Variants in ARSG observed in about 807,000 individuals in gnomAD.
ARSG encodes arylsulfatase G, also known as ASG.
In ARSG, 37 loss-of-function variants were observed where a neutral mutation model predicts 50.5. That is an observed-to-expected ratio of 0.73 (90% confidence interval 0.56 to 0.96). ARSG has a LOEUF of 0.96. Among genes scored for constraint, ARSG ranks in the 50% least tolerant of loss-of-function variants. The pLI is 0.00. For synonymous variants in ARSG, 225 were observed against 254.6 expected, an observed-to-expected ratio of 0.88 and a Z score of 1.11; for missense variants, 629 against 675.3, an observed-to-expected ratio of 0.93 and a Z score of 0.76.
At chr17:68,363,398 C>T (rs577681576) in intron 6 of ARSG, among the ~76,000 whole-genome samples, 4 of 152,098 alleles carry the variant, frequency 2.6e-5, no homozygotes, top group Non-Finnish European at 5.9e-5. Context: ...GGGAAAGCTG[C>T]AAAGACTGGG....
downstream of ARSG, chr17:68,427,231 CTGT>C (rs566594528): frequency 5.6e-5 from 91 of 1,614,122 alleles, no homozygotes; most frequent in African/African-American, 8.0e-4. Flanking sequence ...TTATTCTCTT[CTGT>C]TGTTCCTGAG....
At chr17:68,353,554 G>A (rs917700630) in intron 5 of ARSG, among the ~76,000 whole-genome samples, 6 of 152,118 alleles carry the variant, frequency 3.9e-5, no homozygotes, top group African/African-American at 1.4e-4. Context: ...CAGGGATTCT[G>A]CACATTATGG....
chr17:68,301,923 C>T (rs1023489029), intron 1 of ARSG, among the ~76,000 whole-genome samples: 1 of 152,022 alleles, frequency 6.6e-6, no homozygotes. Flanking sequence ...TGTCCCAGAC[C>T]ACCCCCTTTA....
downstream of ARSG, chr17:68,426,252 G>GGT (rs1294668249): frequency 1.2e-6 from 1 of 828,178 alleles, no homozygotes; most frequent in Non-Finnish European, 1.9e-6. Flanking sequence ...TGGGGAGCGG[G>GGT]GGCTCAAATA....
chr17:68,393,178 G>A (rs550122423), intron 9 of ARSG, among the ~76,000 whole-genome samples: 2 of 152,242 alleles, frequency 1.3e-5, no homozygotes, highest in Non-Finnish European at 2.9e-5. Context: ...CTTTATCCAC[G>A]GTTTCACTTT....
intron 2 of ARSG, among the ~76,000 whole-genome samples, chr17:68,323,299 A>C (rs782727159): frequency 2.0e-5 from 3 of 152,208 alleles, no homozygotes; most frequent in Non-Finnish European, 4.4e-5. Flanking sequence ...TAATTTATAA[A>C]TTCTAGGTCT....
At chr17:68,416,124 T>C (rs1316153908) in intron 11 of ARSG, among the ~76,000 whole-genome samples, 2 of 152,228 alleles carry the variant, frequency 1.3e-5, no homozygotes, top group Non-Finnish European at 2.9e-5. Context: ...GTTTTATAGG[T>C]CCTGTGAGCT....
At chr17:68,411,892 T>C (rs1217919505) in intron 11 of ARSG, among the ~76,000 whole-genome samples, 2 of 151,536 alleles carry the variant, frequency 1.3e-5, no homozygotes, top group African/African-American at 4.9e-5. Context: ...CCTTGTCTCT[T>C]TTGATCTTTG....
intron 2 of ARSG, among the ~76,000 whole-genome samples, chr17:68,324,845 A>G (rs1175698320): frequency 3.9e-5 from 6 of 152,172 alleles, no homozygotes; most frequent in Non-Finnish European, 8.8e-5. Flanking sequence ...CTTAGGTCTC[A>G]GCTTACACTT....
chr17:68,279,056 A>C (rs2075614611), intron 1 of ARSG, among the ~76,000 whole-genome samples: 1 of 152,226 alleles, frequency 6.6e-6, no homozygotes, highest in Admixed American at 6.5e-5. Flanking sequence ...ACAGACATGA[A>C]GAACCAGAGC....
the ARSG span, among the ~76,000 whole-genome samples, chr17:68,443,166 A>C: frequency 6.6e-6 from 1 of 152,146 alleles, no homozygotes; most frequent in Admixed American, 6.5e-5. Context: ...GCTGGAGTGC[A>C]GTGGTGCGAT....
chr17:68,351,318 A>T (rs896092219), intron 4 of ARSG, among the ~76,000 whole-genome samples: 1 of 152,070 alleles, frequency 6.6e-6, no homozygotes, highest in Admixed American at 6.5e-5. Flanking sequence ...GCATTCAATA[A>T]TTCTCTCCAC....
intron 1 of ARSG, among the ~76,000 whole-genome samples, chr17:68,303,718 G>A (rs1197628456): frequency 1.3e-5 from 2 of 152,172 alleles, no homozygotes; most frequent in Non-Finnish European, 2.9e-5. Context: ...CCAAAGTGCT[G>A]AGATTACAGG....
At chr17:68,341,580 C>T (rs1009343493) in intron 2 of ARSG, among the ~76,000 whole-genome samples, 4 of 152,190 alleles carry the variant, frequency 2.6e-5, no homozygotes, top group Non-Finnish European at 4.4e-5. Context: ...GTTCTTTCTC[C>T]GTATCTCAAT....
chr17:68,442,647 C>T, the ARSG span, among the ~76,000 whole-genome samples: 598 of 152,164 alleles, frequency 3.9e-3, 7 homozygotes, highest in African/African-American at 0.014. Flanking sequence ...TCTGCATGCC[C>T]GATGTCCCTC....
At chr17:68,320,487 G>C (rs1366622480) in intron 2 of ARSG, among the ~76,000 whole-genome samples, 1 of 152,118 alleles carries the variant, frequency 6.6e-6, no homozygotes, top group Admixed American at 6.6e-5. Flanking sequence ...GATCTCCCTC[G>C]GGGCACTGTC....
At chr17:68,292,659 C>T (rs1196397281) in intron 1 of ARSG, among the ~76,000 whole-genome samples, 1 of 152,150 alleles carries the variant, frequency 6.6e-6, no homozygotes, top group Non-Finnish European at 1.5e-5. Context: ...AGGGTCGCCA[C>T]CGGGAGGAGT....
chr17:68,263,837 C>G (rs1311258068), intron 1 of ARSG, among the ~76,000 whole-genome samples: 3 of 152,006 alleles, frequency 2.0e-5, no homozygotes, highest in African/African-American at 7.2e-5. Flanking sequence ...AACTAAGGAT[C>G]ATGATTTCTT....
At chr17:68,450,597 G>A in the ARSG span, 1 of 1,235,346 alleles carries the variant, frequency 8.1e-7, no homozygotes, top group Non-Finnish European at 1.1e-6. Context: ...CCGGGACACG[G>A]GGCCTGAGTG....
Sources: allele counts gnomAD v4.1 joint callset (sites outside exome capture counted in the v4.1 genomes callset), GRCh38; gene constraint gnomAD v4.1.1; transcripts MANE v1.5; gene names NCBI Gene and HGNC (gene_info 2026-07-23, HGNC 2026-07-21).